ERAP1: variants seen among roughly 807,000 people sequenced by gnomAD.
ERAP1 encodes adipocyte-derived leucine aminopeptidase.
A neutral mutation model predicts 103.7 loss-of-function variants in ERAP1; 86 were observed. The ratio of observed to expected loss-of-function variants is 0.83; its 90% CI spans 0.70 to 0.99. ERAP1 has a LOEUF of 0.99. Among genes scored for constraint, ERAP1 ranks in the 50% least tolerant of loss-of-function variants. The pLI is 0.00. For missense variants in ERAP1, 1,009 were observed against 1,128.4 expected, an observed-to-expected ratio of 0.89 and a Z score of 1.52; for synonymous variants, 398 against 402.4, an observed-to-expected ratio of 0.99 and a Z score of 0.13.
chr5:96,791,294 G>A (rs932620133), intron 8 of ERAP1, among the ~76,000 whole-genome samples: 1 of 152,186 alleles, frequency 6.6e-6, no homozygotes, highest in African/African-American at 2.4e-5. Context: ...TATAAATAAG[G>A]GAAGTAGTCC....
At position 96,776,503 on chromosome 5, in the gene ERAP1, A is replaced by G. The variant is rs373000476; in HGVS notation, c.2719T>C (p.Cys907Arg). The change falls in exon 19 of 19, where the codon TGT becomes CGT. Residue 907 changes from cysteine (C) to arginine (R), a missense_variant. Physicochemically the swap from Cys to Arg is radical, Grantham distance 180. Coordinates refer to ENST00000443439, the MANE Select transcript of ERAP1 (RefSeq NM_001040458.3). Reference sequence around the variant, plus strand: ...ATGGTTTCAATTGTCTGTTGGACACAACGGAGCTGAGAACCATTTTCTTTC... The same window carrying G: ...ATGGTTTCAATTGTCTGTTGGACACGACGGAGCTGAGAACCATTTTCTTTC... ...SLKENGSQLR[C>R]VQQTIETIEE... 14 of 1,614,070 alleles carry G rather than the reference A, an allele frequency of 8.7e-6. No individual in the cohort carries two copies. The African/African-American group carries it at 1.6e-4, about 18-fold the overall frequency.
At chr5:96,780,584 T>C in intron 17 of ERAP1, 80 bp from the exon 18 acceptor site, 1 of 1,086,092 alleles carries the variant, frequency 9.2e-7, no homozygotes, top group East Asian at 2.4e-5. Flanking sequence ...CTATATATAA[T>C]AGCTTTCAGC....
intron 12 of ERAP1, 112 bp from the exon 13 acceptor site, chr5:96,786,083 G>T (rs957429734): frequency 5.1e-6 from 5 of 985,840 alleles, no homozygotes; most frequent in Non-Finnish European, 7.8e-6. Flanking sequence ...TGAAAAATTT[G>T]AAAACATCAC....
chr5:96,910,648 A>G, the ERAP1 span, among the ~76,000 whole-genome samples: 2 of 152,262 alleles, frequency 1.3e-5, no homozygotes, highest in African/African-American at 4.8e-5. Context: ...TACAGTAGAT[A>G]TAAGTGTTCA....
the ERAP1 span, among the ~76,000 whole-genome samples, chr5:96,867,360 C>T: frequency 1.3e-5 from 2 of 152,096 alleles, no homozygotes; most frequent in Admixed American, 1.3e-4. Flanking sequence ...CAAATTAACA[C>T]AAAACTTAGT....
the ERAP1 span, chr5:96,902,185 G>C: frequency 1.2e-6 from 1 of 852,666 alleles, no homozygotes; most frequent in African/African-American, 1.7e-5. Flanking sequence ...GGGTACTTAG[G>C]TGCCTTTTAC....
upstream of ERAP1, among the ~76,000 whole-genome samples, chr5:96,812,001 G>T (rs776438570): frequency 1.3e-5 from 2 of 152,110 alleles, no homozygotes; most frequent in Non-Finnish European, 2.9e-5. Flanking sequence ...ACCTTTGCTC[G>T]TGTCAACAAG....
At chr5:96,882,365 C>T in the ERAP1 span, among the ~76,000 whole-genome samples, 1 of 152,136 alleles carries the variant, frequency 6.6e-6, no homozygotes, top group African/African-American at 2.4e-5. Flanking sequence ...GCATGCCTCC[C>T]GTGATTAATT....
At chr5:96,770,277 G>A (rs967942832), downstream of ERAP1, 8 of 459,252 alleles carry the variant, frequency 1.7e-5, no homozygotes, top group Middle Eastern at 6.1e-4. Flanking sequence ...AGGTCTGGGT[G>A]AGTCAGGCAC....
At chr5:96,898,345 A>C in the ERAP1 span, among the ~76,000 whole-genome samples, 9 of 152,224 alleles carry the variant, frequency 5.9e-5, no homozygotes, top group East Asian at 1.7e-3. Context: ...TTGTGGTTAA[A>C]GAAACAAAAT....
chr5:96,775,992 T>G lies in ERAP1; in HGVS notation c.*404A>C, dbSNP rs1039123456. 2 of 1,079,730 alleles carry G rather than the reference T, an allele frequency of 1.9e-6. No homozygotes were observed. The highest frequency in any genetic ancestry group is 1.7e-5 in the African/African-American group (1 of 59,724). 66.9% of individuals were successfully genotyped at this position (1,079,730 alleles called of 1,614,324 possible). ...AACCCAGTCATCGTCCGGCTTAGTC[T>G]CAGATCCAGGTGTTCATTGTTCAGT... On this transcript the variant is annotated 3_prime_UTR_variant, in exon 19 of 19. Transcript: ENST00000443439.
chr5:96,818,114 G>A, the ERAP1 span, among the ~76,000 whole-genome samples: 15 of 152,278 alleles, frequency 9.9e-5, no homozygotes, highest in South Asian at 1.2e-3. Context: ...GGTACCAATC[G>A]TAGATTTAGA....
the ERAP1 span, chr5:96,895,344 T>C: frequency 4.2e-5 from 67 of 1,607,876 alleles, 1 homozygote; most frequent in Admixed American, 1.1e-3. Flanking sequence ...ATGCTACATA[T>C]CCAGAGCTGC....
chr5:96,765,514 A>C (rs2150723850), intron 19 of ERAP1, among the ~76,000 whole-genome samples: 1 of 152,250 alleles, frequency 6.6e-6, no homozygotes, highest in South Asian at 2.1e-4. Context: ...TGTGACAGAG[A>C]TACCAGCGGA....
chr5:96,898,392 T>TA, the ERAP1 span, among the ~76,000 whole-genome samples: 2,064 of 152,108 alleles, frequency 0.014, 44 homozygotes, highest in South Asian at 0.087. Context: ...TCCTATTTTT[T>TA]ACTTGCATTT....
chr5:96,921,706 T>C, the ERAP1 span, among the ~76,000 whole-genome samples: 1 of 152,260 alleles, frequency 6.6e-6, no homozygotes, highest in African/African-American at 2.4e-5. Context: ...TCTCAGTACA[T>C]GACTCAGTAA....
chr5:96,861,967 G>A, the ERAP1 span, among the ~76,000 whole-genome samples: 1 of 152,096 alleles, frequency 6.6e-6, no homozygotes, highest in South Asian at 2.1e-4. Flanking sequence ...TGTGAACCAA[G>A]GTATATTGTG....
chr5:96,930,390 T>C, the ERAP1 span, among the ~76,000 whole-genome samples: 1 of 152,162 alleles, frequency 6.6e-6, no homozygotes, highest in Non-Finnish European at 1.5e-5. Flanking sequence ...GGCATGAAGC[T>C]CCATTGCGCA....
At chr5:96,834,575 C>T in the ERAP1 span, among the ~76,000 whole-genome samples, 1 of 152,080 alleles carries the variant, frequency 6.6e-6, no homozygotes, top group Non-Finnish European at 1.5e-5. Context: ...AAACTTTTAC[C>T]TGTGGTCTAG....
Sources: allele counts gnomAD v4.1 joint callset (sites outside exome capture counted in the v4.1 genomes callset), GRCh38; gene constraint gnomAD v4.1.1; transcripts MANE v1.5; gene names NCBI Gene and HGNC (gene_info 2026-07-23, HGNC 2026-07-21).